The following ASTN1 variants were observed in gnomAD, a reference collection of about 807,000 sequenced individuals.
The protein encoded by ASTN1 is astrotactin-1.
In ASTN1, 41 loss-of-function variants were observed where a neutral mutation model predicts 140.7. The observed-to-expected ratio is 0.29, with a 90% CI of 0.23 to 0.38. ASTN1 has a LOEUF of 0.38. ASTN1 is among the 10% of genes least tolerant of loss of function. The pLI, the probability that ASTN1 is intolerant of heterozygous loss-of-function variation, is 1.00. For synonymous variants in ASTN1, 640 were observed against 652.2 expected, an observed-to-expected ratio of 0.98 and a Z score of 0.29; for missense variants, 1,479 against 1,678.8, an observed-to-expected ratio of 0.88 and a Z score of 2.08.
chr1:176,997,846 T>C (rs1571625376), intron 8 of ASTN1, among the ~76,000 whole-genome samples: 1 of 152,200 alleles, frequency 6.6e-6, no homozygotes, highest in South Asian at 2.1e-4. Context: ...GGCTTTATGA[T>C]GGAGCAGGTA....
intron 7 of ASTN1, among the ~76,000 whole-genome samples, chr1:177,020,665 G>C (rs1675777993): frequency 6.6e-6 from 1 of 152,240 alleles, no homozygotes; most frequent in South Asian, 2.1e-4. Flanking sequence ...CACATTCACA[G>C]GTCCTGGAGA....
chr1:176,957,302 A>T (rs1399247800), intron 11 of ASTN1, among the ~76,000 whole-genome samples: 2 of 151,404 alleles, frequency 1.3e-5, no homozygotes, highest in Non-Finnish European at 2.9e-5. Flanking sequence ...TTTTTTTTTT[A>T]ATTTTTATTT....
chr1:177,097,912 G>A (rs1680104860), intron 1 of ASTN1, among the ~76,000 whole-genome samples: 1 of 152,146 alleles, frequency 6.6e-6, no homozygotes, highest in Non-Finnish European at 1.5e-5. Context: ...CAGGTGCTGA[G>A]AAGATAGCAC....
intron 16 of ASTN1, among the ~76,000 whole-genome samples, chr1:176,907,955 A>G (rs1670068830): frequency 6.6e-6 from 1 of 152,200 alleles, no homozygotes; most frequent in Non-Finnish European, 1.5e-5. Context: ...TTACAAACCT[A>G]AAACAGCATA....
Position 176,943,781 on chromosome 1 carries a change from G to A in ASTN1, c.2377+110C>T, listed in dbSNP as rs1671836641. The A allele has an allele frequency of 2.2e-6, 3 of 1,335,766 alleles. No individual in the cohort carries two copies. The South Asian group carries it at 5.1e-5, about 23-fold the overall frequency. The allele number at this position is 1,335,766 out of a possible 1,614,324, so 82.7% of individuals were successfully genotyped here. ...GGCTGAGCTTTTATTGTGTATGAAGGAAATCACTGGCTTAGAAACCAAAAT... is the reference window on the plus strand; with the variant it reads ...GGCTGAGCTTTTATTGTGTATGAAGAAAATCACTGGCTTAGAAACCAAAAT... On this transcript the variant is annotated intron_variant, in intron 14 of 22. Transcript: ENST00000361833.
chr1:177,083,078 G>A (rs999604626), intron 1 of ASTN1, among the ~76,000 whole-genome samples: 5 of 151,818 alleles, frequency 3.3e-5, no homozygotes, highest in Admixed American at 2.6e-4. Context: ...TTAAGCCCTC[G>A]GGTTATGGAC....
intron 8 of ASTN1, chr1:176,976,101 T>C (rs1430625803): frequency 6.6e-6 from 1 of 152,188 alleles, no homozygotes; most frequent in Non-Finnish European, 1.5e-5. Context: ...CAAATCTCAT[T>C]ACAATTATAT....
chr1:177,161,283 C>G (rs188704018), intron 1 of ASTN1, among the ~76,000 whole-genome samples: 115 of 152,310 alleles, frequency 7.6e-4, no homozygotes, highest in African/African-American at 2.7e-3. Context: ...AGGCTCTGTC[C>G]AGGCAGGCCG....
chr1:177,145,514 TG>T (rs1682681336), intron 1 of ASTN1, among the ~76,000 whole-genome samples: 1 of 152,204 alleles, frequency 6.6e-6, no homozygotes, highest in Non-Finnish European at 1.5e-5. Context: ...CCGAAGGGAA[TG>T]GAAGCTGAAG....
intron 11 of ASTN1, 21 bp from the exon 12 acceptor site, chr1:176,949,372 C>T (rs1672094370): frequency 6.2e-7 from 1 of 1,604,500 alleles, no homozygotes; most frequent in Admixed American, 1.7e-5. Flanking sequence ...CAGAAAACAT[C>T]CACATACGTG....
intron 2 of ASTN1, among the ~76,000 whole-genome samples, chr1:177,033,704 T>A (rs149935538): frequency 1.5e-3 from 222 of 152,260 alleles, no homozygotes; most frequent in African/African-American, 5.1e-3. Flanking sequence ...GAAACCCAAG[T>A]CCTGGAGTCA....
At chr1:176,944,717 A>G (rs887785919) in intron 13 of ASTN1, among the ~76,000 whole-genome samples, 1 of 152,154 alleles carries the variant, frequency 6.6e-6, no homozygotes, top group Non-Finnish European at 1.5e-5. Context: ...CAAAAGGGTA[A>G]AGACTATGCT....
intron 2 of ASTN1, among the ~76,000 whole-genome samples, chr1:177,033,198 T>C (rs1676538286): frequency 6.6e-6 from 1 of 151,780 alleles, no homozygotes; most frequent in Non-Finnish European, 1.5e-5. Context: ...CTTTTATGTA[T>C]TAAGTTAAAT....
At chr1:176,934,406 C>A in intron 15 of ASTN1, 66 bp from the exon 16 acceptor site, 1 of 1,456,048 alleles carries the variant, frequency 6.9e-7, no homozygotes, top group Non-Finnish European at 9.3e-7. Flanking sequence ...GATTCCCAGG[C>A]AATTCAGTCC....
chr1:177,088,873 C>A (rs1466396895), intron 1 of ASTN1, among the ~76,000 whole-genome samples: 2 of 152,132 alleles, frequency 1.3e-5, no homozygotes, highest in Non-Finnish European at 2.9e-5. Flanking sequence ...TTTCTTCCTT[C>A]TTTCCTCAAT....
chr1:177,093,278 G>C (rs1011992901), intron 1 of ASTN1, among the ~76,000 whole-genome samples: 1 of 152,142 alleles, frequency 6.6e-6, no homozygotes, highest in Non-Finnish European at 1.5e-5. Flanking sequence ...AGTGCAGAAG[G>C]CCTTGCCAAA....
chr1:177,034,331 C>G (rs1326511275), intron 2 of ASTN1, among the ~76,000 whole-genome samples: 1 of 151,796 alleles, frequency 6.6e-6, no homozygotes, highest in Admixed American at 6.6e-5. Flanking sequence ...CACGAGGCAA[C>G]AGAGTCAGCT....
At chr1:176,974,445 TCA>T (rs1673277241) in intron 8 of ASTN1, among the ~76,000 whole-genome samples, 2 of 151,616 alleles carry the variant, frequency 1.3e-5, no homozygotes, top group Admixed American at 1.3e-4. Context: ...GACTGCAGTG[TCA>T]TGATCTTGAC....
chr1:177,083,303 C>T (rs1299208705), intron 1 of ASTN1, among the ~76,000 whole-genome samples: 1 of 152,104 alleles, frequency 6.6e-6, no homozygotes, highest in Admixed American at 6.5e-5. Context: ...CACACAAATT[C>T]AACACTAGTG....
Sources: allele counts gnomAD v4.1 joint callset (sites outside exome capture counted in the v4.1 genomes callset), GRCh38; gene constraint gnomAD v4.1.1; transcripts MANE v1.5; gene names NCBI Gene and HGNC (gene_info 2026-07-23, HGNC 2026-07-21).